HLA-DPA1: variants seen among roughly 807,000 people sequenced by gnomAD.
The protein encoded by HLA-DPA1 is major histocompatibility complex, class II, DP alpha 1.
In HLA-DPA1, 20 loss-of-function variants were observed where a neutral mutation model predicts 21.5. The ratio of observed to expected loss-of-function variants is 0.93; its 90% CI spans 0.66 to 1.35. The LOEUF (loss-of-function observed/expected upper bound fraction) is 1.35, where lower values mean the gene tolerates loss of function less well. Among genes scored for constraint, HLA-DPA1 ranks in the 40% most tolerant of loss-of-function variants. HLA-DPA1 has a pLI of 0.00. For synonymous variants in HLA-DPA1, 123 were observed against 129.6 expected (o/e 0.95, Z 0.35); for missense variants, 279 against 323.0 (o/e 0.86, Z 1.05).
At chr6:33,064,828 AC>A (rs1248501051) in exon 6 of HLA-DPA1, 3 of 152,072 alleles carry the variant, frequency 2.0e-5, no homozygotes, top group Non-Finnish European at 4.4e-5. Flanking sequence ...TCTCTACCCC[AC>A]CCTATCCTGT....
rs929720141 is a variant in HLA-DPA1, at chr6:33,076,241, C to T, written c.-99-2572G>A. Reference sequence around the variant, plus strand: ...CAAATTCTGAGACAGGCTGCGGGGGCTCCTGCCCTAAGGCAGTGTCCTCTC... The same window carrying T: ...CAAATTCTGAGACAGGCTGCGGGGGTTCCTGCCCTAAGGCAGTGTCCTCTC... On this transcript the variant is annotated intron_variant, in intron 1 of 5. Transcript: ENST00000419277. The T allele has an allele frequency of 1.0e-5, 8 of 787,532 alleles. No individual in the cohort carries two copies. The African/African-American group carries it at 1.0e-4, about 10-fold the overall frequency. 48.8% of individuals were successfully genotyped at this position (787,532 alleles called of 1,614,324 possible). A position where few individuals can be genotyped will look rare whatever the true frequency, so the allele number is the denominator to read the frequency against.
Position 33,080,384 on chromosome 6 carries a change from A to G in HLA-DPA1, c.-100+296T>C. 1 of 627,012 alleles carries G rather than the reference A, an allele frequency of 1.6e-6. No individual in the cohort carries two copies. The highest frequency in any genetic ancestry group is 3.0e-6 in the Non-Finnish European group (1 of 330,050). 38.8% of individuals were successfully genotyped at this position (627,012 alleles called of 1,614,324 possible). ...AACGTCTCCGCCTCCTCCAGCCACCAGCAGAAGGGACTGCCTTCCCCTCAG... is the reference window on the plus strand; with the variant it reads ...AACGTCTCCGCCTCCTCCAGCCACCGGCAGAAGGGACTGCCTTCCCCTCAG... On this transcript the variant is annotated intron_variant, in intron 1 of 5. Coordinates refer to ENST00000419277, the Ensembl canonical transcript of HLA-DPA1. The surrounding 1 kb of genome is among the most constrained non-coding windows in gnomAD (Gnocchi z 4.3).
At chr6:33,074,948 C>T (rs1174882412) in intron 1 of HLA-DPA1, among the ~76,000 whole-genome samples, 3 of 152,136 alleles carry the variant, frequency 2.0e-5, no homozygotes, top group Non-Finnish European at 4.4e-5. Context: ...ACATGCTAGC[C>T]TTCTATTTAC....
At chr6:33,068,569 T>C in intron 5 of HLA-DPA1, 69 bp downstream of exon 4, 1 of 1,263,696 alleles carries the variant, frequency 7.9e-7, no homozygotes. Context: ...AATGAACACT[T>C]ATCAGATTGA....
chr6:33,069,751 A>C (rs1212136225), exon 3 of HLA-DPA1: 2 of 1,612,560 alleles, frequency 1.2e-6, no homozygotes, highest in African/African-American at 2.7e-5. Flanking sequence ...GGCTTGGCCA[A>C]ACTCCTCCAG....
At chr6:33,069,296 G>A (rs1762134947) in exon 4 of HLA-DPA1, 1 of 1,611,946 alleles carries the variant, frequency 6.2e-7, no homozygotes, top group Non-Finnish European at 8.5e-7. Flanking sequence ...TCACCTCAGG[G>A]GGATCTGGAA....
intron 2 of HLA-DPA1, among the ~76,000 whole-genome samples, chr6:33,070,514 G>A (rs986510149): frequency 3.3e-5 from 5 of 152,116 alleles, no homozygotes; most frequent in African/African-American, 1.2e-4. Context: ...ACAAAATTGA[G>A]AGGAAGAAGA....
In HLA-DPA1 at chr6:33,071,587, G is replaced by T. The variant is rs186839448; in HGVS notation, c.101-1701C>A. Among the ~76,000 whole-genome samples the T allele has an allele frequency of 1.9e-3, 287 of 151,992 alleles. 1 individual carries two copies. Among genetic ancestry groups the T allele is most frequent in the East Asian group, 0.017 (88 of 5,132 alleles). On this transcript the variant is annotated intron_variant, in intron 2 of 5. Transcript: ENST00000419277. ...GACTACTATATGTCAAACACTGTTA[G>T]ATGCTAAATACCCAAATAAAAATAA...
chr6:33,071,441 T>G (rs1041714411), intron 2 of HLA-DPA1, among the ~76,000 whole-genome samples: 6 of 151,162 alleles, frequency 4.0e-5, no homozygotes, highest in African/African-American at 1.5e-4. Context: ...CCCTTGTACT[T>G]TTTAAAATGC....
At chr6:33,071,263 G>A (rs1339388089) in intron 2 of HLA-DPA1, among the ~76,000 whole-genome samples, 1 of 152,034 alleles carries the variant, frequency 6.6e-6, no homozygotes, top group Non-Finnish European at 1.5e-5. Context: ...AGCAAAGAGT[G>A]GTATTTGAAA....
chr6:33,066,179 A>G (rs1012892973), intron 5 of HLA-DPA1: 8 of 152,208 alleles, frequency 5.3e-5, no homozygotes, highest in Admixed American at 3.9e-4. Context: ...AATAAACAAG[A>G]ATTTGTCCTA....
chr6:33,076,029 CT>C, intron 1 of HLA-DPA1: 2 of 1,604,884 alleles, frequency 1.2e-6, no homozygotes, highest in South Asian at 1.1e-5. Context: ...TTTTGCCATC[CT>C]TTTCCAGCTC....
chr6:33,075,983 A>T, intron 1 of HLA-DPA1: 1 of 1,290,088 alleles, frequency 7.8e-7, no homozygotes, highest in Non-Finnish European at 1.1e-6. Flanking sequence ...AGCTCCCTTT[A>T]GCGAGTCCTT....
chr6:33,065,536 G>T (rs66951571), intron 5 of HLA-DPA1, 189 bp from the exon 5 acceptor site: 32,159 of 152,122 alleles, frequency 0.21, 4,128 homozygotes, highest in African/African-American at 0.35. Context: ...AGGAGTTCAC[G>T]AAAGTCATTG....
chr6:33,080,333 T>G lies in HLA-DPA1; in HGVS notation c.-100+347A>C. ...ACGTCCCCAGCTCCTCCCGCCCCTG[T>G]TTTTTCTCCCAGTGACCCCACGTGA... is the stretch of plus-strand genomic sequence containing the variant. On this transcript the variant is annotated intron_variant, in intron 1 of 5. Transcript: ENST00000419277. This position sits in a 1 kb window ranked among gnomAD's most constrained non-coding sequence, Gnocchi z 4.3. 3 of 497,346 alleles carry G rather than the reference T, an allele frequency of 6.0e-6. No individual in the cohort carries two copies. Among genetic ancestry groups the G allele is most frequent in the Non-Finnish European group, 1.2e-5 (3 of 252,658 alleles). The allele number at this position is 497,346 out of a possible 1,614,324, so 30.8% of individuals were successfully genotyped here. A position where few individuals can be genotyped will look rare whatever the true frequency, so the allele number is the denominator to read the frequency against.
At chr6:33,076,204 T>A in intron 1 of HLA-DPA1, 1 of 1,115,922 alleles carries the variant, frequency 9.0e-7, no homozygotes, top group South Asian at 1.4e-5. Flanking sequence ...GGGGACGTTA[T>A]CTTTAAGGGA....
intron 1 of HLA-DPA1, among the ~76,000 whole-genome samples, chr6:33,078,356 C>T (rs73741626): frequency 0.044 from 6,756 of 152,158 alleles, 227 homozygotes; most frequent in South Asian, 0.087. Flanking sequence ...GTGGGCAGGG[C>T]TGATTCCACA....
chr6:33,069,747 G>A (rs151317674), exon 3 of HLA-DPA1: 12 of 1,612,626 alleles, frequency 7.4e-6, no homozygotes, highest in African/African-American at 4.0e-5. Context: ...AAAAGGCTTG[G>A]CCAAACTCCT....
At chr6:33,068,355 A>C (rs72870111) in intron 5 of HLA-DPA1, 1 of 310,194 alleles carries the variant, frequency 3.2e-6, no homozygotes. Context: ...AAGTGCTTAA[A>C]GTCTCTGTGT....
Sources: gnomAD v4.1 joint callset for allele counts (sites outside exome capture counted in the v4.1 genomes callset) on GRCh38, gnomAD v4.1.1 for gene constraint, Gnocchi (gnomAD v3.1) non-coding constraint, MANE v1.5 for transcripts, NCBI Gene and HGNC (gene_info 2026-07-23, HGNC 2026-07-21) for gene names.